The following TRABD variants were observed in gnomAD, a reference collection of about 807,000 sequenced individuals.
TRABD encodes traB domain-containing protein.
Under a neutral mutation model 39.6 loss-of-function variants are expected in TRABD, and 23 were observed. That is an observed-to-expected ratio of 0.58 (90% CI 0.42 to 0.82). The LOEUF (loss-of-function observed/expected upper bound fraction) is 0.82, where lower values mean the gene tolerates loss of function less well. TRABD is among the 40% of genes least tolerant of loss of function. TRABD has a pLI of 0.00. For synonymous variants in TRABD, 243 were observed against 232.1 expected, an observed-to-expected ratio of 1.05 and a Z score of -0.43; for missense variants, 487 against 544.9, an observed-to-expected ratio of 0.89 and a Z score of 1.06.
rs375977248 is a variant in TRABD at position 50,194,341 on chromosome 22, C to T, written c.114C>T (p.Ser38=). 2.8e-5 allele frequency: 45 copies of T among 1,610,972 alleles called. No individual in the cohort carries two copies. The highest frequency in any genetic ancestry group is 2.3e-4 in the African/African-American group (17 of 74,984). The part of the protein sequence containing the change: ...RVLSGDPQNL[S]DVDAFNLLLE... ...CAACGGCCTGTGCTGCTGTTGCAGC[C>T]GACGTGGACGCCTTCAACCTGCTCC... Residue 38 remains serine (S), a splice_region_variant and synonymous_variant, in exon 4 of 10, where the codon TCC becomes TCT. Transcript: ENST00000380909.
intron 1 of TRABD, among the ~76,000 whole-genome samples, chr22:50,187,229 C>A (rs1255158690): frequency 6.6e-6 from 1 of 152,238 alleles, no homozygotes; most frequent in Middle Eastern, 3.2e-3. Flanking sequence ...TTGACTGTGA[C>A]CAGGTCCTGG....
chr22:50,196,707 T>C (rs900011588), intron 5 of TRABD, among the ~76,000 whole-genome samples: 12 of 150,870 alleles, frequency 8.0e-5, no homozygotes, highest in Admixed American at 6.6e-4. Context: ...CTTTTCTTCT[T>C]CTTTTTTTTT....
chr22:50,191,661 TCTGA>T (rs1400907642), intron 1 of TRABD: 2 of 152,244 alleles, frequency 1.3e-5, no homozygotes, highest in East Asian at 1.9e-4. Flanking sequence ...GATGCTCGTG[TCTGA>T]CTGACGCAGA....
Position 50,198,651 on chromosome 22 carries a change from C to T in TRABD, c.*132C>T. The T allele has an allele frequency of 1.1e-6, 1 of 894,356 alleles. No individual in the cohort carries two copies. The highest frequency in any genetic ancestry group is 1.6e-6 in the Non-Finnish European group (1 of 623,160). 55.4% of individuals were successfully genotyped at this position (894,356 alleles called of 1,614,324 possible). A position where few individuals can be genotyped will look rare whatever the true frequency, so the allele number is the denominator to read the frequency against. On this transcript the variant is annotated 3_prime_UTR_variant, in exon 10 of 10. Coordinates refer to ENST00000380909, the MANE Select transcript of TRABD (RefSeq NM_001320485.2). The surrounding 1 kb of genome is among the most constrained non-coding windows in gnomAD (Gnocchi z 7.9). ...GGGGTCTGGGCCCGGCCTCGCCTGC[C>T]CTCCTGGGCCAGTCACCCCTCCCCC...
chr22:50,192,452 C>T (rs1326638870), intron 1 of TRABD: 7 of 152,474 alleles, frequency 4.6e-5, no homozygotes, highest in African/African-American at 7.2e-5. Context: ...GGGTTTCTAC[C>T]GTGGTTCCTT....
chr22:50,195,433 G>A (rs1430104583), intron 5 of TRABD, among the ~76,000 whole-genome samples: 2 of 152,064 alleles, frequency 1.3e-5, no homozygotes. Context: ...CGGAGAGGCA[G>A]GACTTTCTCA....
rs115824976 is a variant in TRABD at position 50,186,785 on chromosome 22, C to T, written c.-35+809C>T. Among the ~76,000 whole-genome samples, 700 of 152,364 alleles carry T rather than the reference C, an allele frequency of 4.6e-3. 5 individuals are homozygous for T. Among genetic ancestry groups the T allele is most frequent in the African/African-American group, 0.016 (650 of 41,590 alleles). On this transcript the variant is annotated intron_variant, in intron 1 of 9. Coordinates refer to ENST00000380909, the MANE Select transcript of TRABD (RefSeq NM_001320485.2). ...ATGGGCGAAGTGGACGCCAGATCGTCCCCCGCTGTGCGCAGCCCAAACTTA... is the reference window on the plus strand; with the variant it reads ...ATGGGCGAAGTGGACGCCAGATCGTTCCCCGCTGTGCGCAGCCCAAACTTA...
chr22:50,185,976 G>C lies in TRABD; in HGVS notation c.-35G>C, dbSNP rs1334367692. On this transcript the variant is annotated splice_region_variant and 5_prime_UTR_variant, in exon 1 of 10. Coordinates refer to ENST00000380909, the MANE Select transcript of TRABD (RefSeq NM_001320485.2). ...CTGAGGAGCGCCGCTGCCTCGCCTCGGTACGCCGCGCGGCGCGGACGGCGC... is the reference window on the plus strand; with the variant it reads ...CTGAGGAGCGCCGCTGCCTCGCCTCCGTACGCCGCGCGGCGCGGACGGCGC... The C allele has an allele frequency of 6.8e-6, 1 of 148,062 alleles. No homozygotes were observed. Among genetic ancestry groups the C allele is most frequent in the South Asian group, 2.1e-4 (1 of 4,766 alleles). 9.2% of individuals were successfully genotyped at this position (148,062 alleles called of 1,614,324 possible).
At position 50,198,815 on chromosome 22, in the gene TRABD, GC is replaced by G. The variant is rs1195292611; in HGVS notation, c.*298del. ...GAGGGGGCAGGGGCTTATAGGAGGG[GC>G]CGAGGCGTGCGCTGCCCTCTCAGCC... On this transcript the variant is annotated 3_prime_UTR_variant, in exon 10 of 10. Coordinates refer to ENST00000380909, the MANE Select transcript of TRABD (RefSeq NM_001320485.2). The surrounding 1 kb of genome is among the most constrained non-coding windows in gnomAD (Gnocchi z 7.9). 1 of 543,716 alleles carries G rather than the reference GC, an allele frequency of 1.8e-6. No homozygotes were observed. Among genetic ancestry groups the G allele is most frequent in the Admixed American group, 3.5e-5 (1 of 28,706 alleles). The allele number at this position is 543,716 out of a possible 1,614,324, so 33.7% of individuals were successfully genotyped here. A position where few individuals can be genotyped will look rare whatever the true frequency, so the allele number is the denominator to read the frequency against.
chr22:50,194,248 C>T (rs774730730), intron 3 of TRABD, 92 bp from the exon 4 acceptor site: 2 of 1,500,382 alleles, frequency 1.3e-6, no homozygotes, highest in Non-Finnish European at 1.8e-6. Context: ...GTTCTCAGAA[C>T]CCAGGAGGGT....
In TRABD at chr22:50,199,003, C is replaced by A; in HGVS notation, c.*484C>A. The A allele has an allele frequency of 3.0e-6, 2 of 661,742 alleles. No homozygotes were observed. The highest frequency in any genetic ancestry group is 1.7e-5 in the South Asian group (1 of 60,436). 41.0% of individuals were successfully genotyped at this position (661,742 alleles called of 1,614,324 possible). On this transcript the variant is annotated 3_prime_UTR_variant, in exon 10 of 10. Transcript: ENST00000380909. Reference sequence around the variant, plus strand: ...AGCTCCAGCCGACCCCACCGTGCCCCTGGCATCCTGGCCCTGGCCGCCACC... The same window carrying A: ...AGCTCCAGCCGACCCCACCGTGCCCATGGCATCCTGGCCCTGGCCGCCACC...
At chr22:50,189,887 G>A (rs2063851487) in intron 1 of TRABD, among the ~76,000 whole-genome samples, 1 of 152,244 alleles carries the variant, frequency 6.6e-6, no homozygotes, top group African/African-American at 2.4e-5. Context: ...TTCAGACATT[G>A]TCTCTGAAGA....
chr22:50,197,765 C>CCCCCCCCCCCCCCCCCCGGG, intron 7 of TRABD, 58 bp from the exon 8 acceptor site: 27 of 754,000 alleles, frequency 3.6e-5, no homozygotes, highest in Non-Finnish European at 5.8e-5. Flanking sequence ...ACAGTGCCAG[C>CCCCCCCCCCCCCCCCCCGGG]CCCACCCCCC....
rs202091993 is a variant in TRABD, at chr22:50,197,962, G to A, written c.811G>A (p.Ala271Thr). ...CCTAACCTACATGCTGCGCCAGGCC[G>A]CGCGGCGCCTCGAGCTGCCTCGGGC... is the stretch of plus-strand genomic sequence containing the variant. ...VYLTYMLRQA[A>T]RRLELPRASD... Residue 271 changes from alanine (A) to threonine (T), a missense_variant, in exon 8 of 10, where the codon GCG (alanine) becomes ACG (threonine). Coordinates refer to ENST00000380909, the MANE Select transcript of TRABD (RefSeq NM_001320485.2). The A allele has an allele frequency of 2.9e-5, 46 of 1,612,554 alleles. No individual in the cohort carries two copies. The East Asian group carries it at 7.4e-4, about 26-fold the overall frequency.
rs560140633 is a variant in TRABD, at chr22:50,194,291, C to T, written c.113-49C>T. 301 of 1,587,096 alleles carry T rather than the reference C, an allele frequency of 1.9e-4. 5 individuals are homozygous for T. In the South Asian group the frequency reaches 2.9e-3, roughly 16 times the overall value. On this transcript the variant is annotated intron_variant, in intron 3 of 9. Transcript: ENST00000380909. ...CCCAGGCTGCCAGCGGGCCCGGCGG[C>T]GTCCTTGGGGTGGGCCCGGCACCAC...
chr22:50,194,193 T>G, intron 3 of TRABD, 147 bp from the exon 4 acceptor site: 3 of 1,012,310 alleles, frequency 3.0e-6, no homozygotes, highest in Non-Finnish European at 4.2e-6. Flanking sequence ...GCAAAGCCTG[T>G]GGAGTGTGAC....
chr22:50,195,592 A>C (rs1281552580), intron 5 of TRABD, among the ~76,000 whole-genome samples: 2 of 151,754 alleles, frequency 1.3e-5, no homozygotes, highest in African/African-American at 4.8e-5. Flanking sequence ...CCTCCTGAGT[A>C]GCTGGGATTA....
intron 1 of TRABD, among the ~76,000 whole-genome samples, chr22:50,189,938 A>T (rs891342999): frequency 6.6e-6 from 1 of 152,216 alleles, no homozygotes; most frequent in Admixed American, 6.5e-5. Context: ...CTTTTGGGCC[A>T]GGGCCTTTTG....
Position 50,199,479 on chromosome 22 carries a change from G to A in TRABD, c.*960G>A, listed in dbSNP as rs2064247944. The A allele has an allele frequency of 9.0e-6, 2 of 221,884 alleles. No homozygotes were observed. The highest frequency in any genetic ancestry group is 1.8e-5 in the Non-Finnish European group (2 of 114,072). 13.7% of individuals were successfully genotyped at this position (221,884 alleles called of 1,614,324 possible). A position where few individuals can be genotyped will look rare whatever the true frequency, so the allele number is the denominator to read the frequency against. On this transcript the variant is annotated 3_prime_UTR_variant, in exon 10 of 10. Transcript: ENST00000380909. ...CTGGACCCAGGCCATCTCTGGTTGTGTCTGTGCCGACTCGGTGTTGAATCA... is the reference window on the plus strand; with the variant it reads ...CTGGACCCAGGCCATCTCTGGTTGTATCTGTGCCGACTCGGTGTTGAATCA...
Sources: allele counts gnomAD v4.1 joint callset (sites outside exome capture counted in the v4.1 genomes callset), GRCh38; gene constraint gnomAD v4.1.1; non-coding constraint Gnocchi (gnomAD v3.1); transcripts MANE v1.5; gene names NCBI Gene and HGNC (gene_info 2026-07-23, HGNC 2026-07-21).